RBFOX3: variants seen among roughly 807,000 people sequenced by gnomAD.
RBFOX3 encodes RNA binding fox-1 homolog 3.
A neutral mutation model predicts 48.7 loss-of-function variants in RBFOX3; 17 were observed. The ratio of observed to expected loss-of-function variants is 0.35; its 90% CI spans 0.24 to 0.52. RBFOX3 has a LOEUF of 0.52. Ranked by LOEUF, RBFOX3 falls within the 20% of genes least tolerant of loss-of-function variation. The probability of loss-of-function intolerance (pLI) is 0.94; values close to 1 mark genes in which losing one functional copy is unlikely to be tolerated. For missense variants in RBFOX3, 382 were observed against 497.5 expected (o/e 0.77, Z 2.21); for synonymous variants, 212 against 209.5 (o/e 1.01, Z -0.10).
At chr17:79,231,015 A>C (rs1303586675) in intron 4 of RBFOX3, among the ~76,000 whole-genome samples, 1 of 152,062 alleles carries the variant, frequency 6.6e-6, no homozygotes, top group Non-Finnish European at 1.5e-5. Context: ...GTGATCCCCC[A>C]GTGCTGGTCA....
intron 2 of RBFOX3, among the ~76,000 whole-genome samples, chr17:79,406,841 G>C (rs1325341920): frequency 6.6e-6 from 1 of 152,174 alleles, no homozygotes; most frequent in South Asian, 2.1e-4. Context: ...GACCTGGGGG[G>C]ACAATATTTG....
At chr17:79,238,001 A>G (rs1314653794) in intron 3 of RBFOX3, among the ~76,000 whole-genome samples, 1 of 152,182 alleles carries the variant, frequency 6.6e-6, no homozygotes, top group Non-Finnish European at 1.5e-5. Flanking sequence ...CAATGGTGCA[A>G]TCTCAGCTCC....
In RBFOX3 at chr17:79,507,426, C is replaced by T. The variant is rs1008540217; in HGVS notation, c.-319-24828G>A. Reference sequence around the variant, plus strand: ...TCCATGGGGGCGCCACAATGGGGCTCCTGCTTGGCAGTCCCCGCCCCACAT... The same window carrying T: ...TCCATGGGGGCGCCACAATGGGGCTTCTGCTTGGCAGTCCCCGCCCCACAT... On this transcript the variant is annotated intron_variant, in intron 1 of 14. Coordinates refer to ENST00000693108, the MANE Select transcript of RBFOX3 (RefSeq NM_001350451.2). 5.4e-4 allele frequency among the ~76,000 whole-genome samples: 82 copies of T among 152,236 alleles called. No individual in the cohort carries two copies. In the East Asian group the frequency reaches 0.015, roughly 28 times the overall value.
intron 2 of RBFOX3, among the ~76,000 whole-genome samples, chr17:79,429,159 G>A (rs2067959903): frequency 6.6e-6 from 1 of 152,242 alleles, no homozygotes; most frequent in Non-Finnish European, 1.5e-5. Flanking sequence ...GCTCACACAC[G>A]GCCGTGGAGC....
chr17:79,518,801 G>A (rs1326647796), intron 1 of RBFOX3, among the ~76,000 whole-genome samples: 4 of 152,258 alleles, frequency 2.6e-5, no homozygotes, highest in East Asian at 1.9e-4. Flanking sequence ...AAGGAAAGCC[G>A]CAGAGTGGTG....
intron 1 of RBFOX3, among the ~76,000 whole-genome samples, chr17:79,510,043 C>T: frequency 6.6e-6 from 1 of 152,220 alleles, no homozygotes. Context: ...GGAGCATCCA[C>T]AGCATTACCT....
At chr17:79,321,241 G>A (rs1402195717) in intron 2 of RBFOX3, among the ~76,000 whole-genome samples, 3 of 152,206 alleles carry the variant, frequency 2.0e-5, no homozygotes, top group African/African-American at 4.8e-5. Context: ...CTTCTACAAC[G>A]TACAGTGATG....
intron 2 of RBFOX3, among the ~76,000 whole-genome samples, chr17:79,450,412 A>G (rs12451758): frequency 0.21 from 31,380 of 152,110 alleles, 3,337 homozygotes; most frequent in Admixed American, 0.27. Flanking sequence ...GAAGAGGCAA[A>G]TGCCGAGGTA....
At chr17:79,272,872 G>A (rs1263036763) in intron 3 of RBFOX3, among the ~76,000 whole-genome samples, 3 of 152,212 alleles carry the variant, frequency 2.0e-5, no homozygotes, top group Middle Eastern at 3.4e-3. Flanking sequence ...TTGTCTTCCC[G>A]ATGTGCCAGC....
At chr17:79,442,877 CG>C (rs782590647) in intron 2 of RBFOX3, among the ~76,000 whole-genome samples, 2 of 152,166 alleles carry the variant, frequency 1.3e-5, no homozygotes, top group African/African-American at 2.4e-5. Context: ...GAATCAGGTC[CG>C]TGCATGATTC....
At position 79,218,571 on chromosome 17, in the gene RBFOX3, C is replaced by A. The variant is rs553687127; in HGVS notation, c.-34+17195G>T. 2.0e-5 allele frequency among the ~76,000 whole-genome samples: 3 copies of A among 152,238 alleles called. No individual in the cohort carries two copies. The South Asian group carries it at 6.2e-4, about 32-fold the overall frequency. Reference sequence around the variant, plus strand: ...TGGGAGGAAGACCCCCAGAGGAGCCCGGCAATCAGACCCTAACCAGAGACG... The same window carrying A: ...TGGGAGGAAGACCCCCAGAGGAGCCAGGCAATCAGACCCTAACCAGAGACG... On this transcript the variant is annotated intron_variant, in intron 4 of 14. Coordinates refer to ENST00000693108, the MANE Select transcript of RBFOX3 (RefSeq NM_001350451.2).
chr17:79,271,372 G>A (rs982643599), intron 3 of RBFOX3, among the ~76,000 whole-genome samples: 4 of 152,128 alleles, frequency 2.6e-5, no homozygotes, highest in Non-Finnish European at 4.4e-5. Flanking sequence ...CACCGTGCCC[G>A]GCCTAAAAAT....
intron 4 of RBFOX3, among the ~76,000 whole-genome samples, chr17:79,186,605 T>G (rs1408509379): frequency 1.3e-5 from 2 of 152,144 alleles, no homozygotes; most frequent in Non-Finnish European, 2.9e-5. Context: ...GTGGCTGTGC[T>G]GCCCCCGCTC....
the RBFOX3 span, among the ~76,000 whole-genome samples, chr17:79,654,030 C>CT: frequency 1.2e-4 from 18 of 149,186 alleles, no homozygotes; most frequent in East Asian, 3.9e-4. Flanking sequence ...AAATACTGCT[C>CT]TTTTTTTTTT....
intron 1 of RBFOX3, among the ~76,000 whole-genome samples, chr17:79,525,411 T>A (rs2086664047): frequency 6.6e-6 from 1 of 152,198 alleles, no homozygotes; most frequent in South Asian, 2.1e-4. Flanking sequence ...CTTGTACTCA[T>A]TACATGGAGT....
rs1296251346 is a variant in RBFOX3 at position 79,418,230 on chromosome 17, AC to A, written c.-175+64223del. On this transcript the variant is annotated intron_variant, in intron 2 of 14. Coordinates refer to ENST00000693108, the MANE Select transcript of RBFOX3 (RefSeq NM_001350451.2). The surrounding 1 kb of genome is among the most constrained non-coding windows in gnomAD (Gnocchi z 5.0). Reference sequence around the variant, plus strand: ...GTACATTTTATGTTATGCATATTTTACCACAACGACAAAAAGTTTTTTCCAA... The same window carrying A: ...GTACATTTTATGTTATGCATATTTTACACAACGACAAAAAGTTTTTTCCAA... Among the ~76,000 whole-genome samples, 1 of 152,208 alleles carries A rather than the reference AC, an allele frequency of 6.6e-6. No individual in the cohort carries two copies. Among genetic ancestry groups the A allele is most frequent in the Non-Finnish European group, 1.5e-5 (1 of 68,030 alleles).
chr17:79,404,809 T>C (rs2063334854), intron 2 of RBFOX3, among the ~76,000 whole-genome samples: 1 of 152,220 alleles, frequency 6.6e-6, no homozygotes, highest in South Asian at 2.1e-4. Context: ...TCCAGCTGCC[T>C]TCCTACCCCA....
At chr17:79,153,209 T>TG (rs912895207) in intron 4 of RBFOX3, among the ~76,000 whole-genome samples, 20 of 152,178 alleles carry the variant, frequency 1.3e-4, no homozygotes, top group African/African-American at 4.8e-4. Context: ...GATCCTTGGC[T>TG]GGGGGTGGGT....
intron 2 of RBFOX3, among the ~76,000 whole-genome samples, chr17:79,367,091 G>T (rs1433342593): frequency 6.6e-6 from 1 of 151,998 alleles, no homozygotes; most frequent in African/African-American, 2.4e-5. Flanking sequence ...CAATTCTGCT[G>T]CCCTCGCTCC....
Sources: gnomAD v4.1 joint callset for allele counts (sites outside exome capture counted in the v4.1 genomes callset) on GRCh38, gnomAD v4.1.1 for gene constraint, Gnocchi (gnomAD v3.1) non-coding constraint, MANE v1.5 for transcripts, NCBI Gene and HGNC (gene_info 2026-07-23, HGNC 2026-07-21) for gene names.